The following DLC1 variants were observed in gnomAD, a reference collection of about 807,000 sequenced individuals.
The protein encoded by DLC1 is DLC1 Rho GTPase activating protein.
In DLC1, 54 loss-of-function variants were observed where a neutral mutation model predicts 140.3. The observed-to-expected ratio is 0.38, with a 90% CI of 0.31 to 0.48. The LOEUF (loss-of-function observed/expected upper bound fraction) is 0.48. Ranked by LOEUF, DLC1 falls within the 20% of genes least tolerant of loss-of-function variation. The pLI is 0.96. For synonymous variants in DLC1, 986 were observed against 728.1 expected (o/e 1.35, Z -5.70); for missense variants, 2,536 against 1,907.0 (o/e 1.33, Z -6.14).
chr8:13,148,502 C>T (rs945028103), intron 5 of DLC1, among the ~76,000 whole-genome samples: 5 of 152,196 alleles, frequency 3.3e-5, no homozygotes, highest in African/African-American at 1.2e-4. Flanking sequence ...ATGGAGCACA[C>T]ACAATTTTGA....
In DLC1 at chr8:13,100,159, G is replaced by T; in HGVS notation, c.2178C>A (p.Val726=). 6.2e-7 allele frequency: 1 copy of T among 1,614,142 alleles called. No individual in the cohort carries two copies. The highest frequency in any genetic ancestry group is 8.5e-7 in the Non-Finnish European group (1 of 1,180,032). The change falls in exon 9 of 18, where the codon GTC becomes GTA. Residue 726 remains valine, a synonymous_variant. Coordinates refer to ENST00000276297, the MANE Select transcript of DLC1 (RefSeq NM_182643.3). ...AAACGCTCCTCTTTCGTACCATGGG[G>T]ACGTTGATGCGGTTGCCATTGAGGG... is the stretch of plus-strand genomic sequence containing the variant. ...ISALNGNRIN[V]PMVRKRSVSN... is the part of the protein sequence containing the mutation.
chr8:13,454,842 T>C (rs1799315380), intron 2 of DLC1, among the ~76,000 whole-genome samples: 2 of 152,186 alleles, frequency 1.3e-5, no homozygotes, highest in Non-Finnish European at 2.9e-5. Context: ...TGTGAGCCAT[T>C]GTGCCTGGCC....
intron 4 of DLC1, among the ~76,000 whole-genome samples, chr8:13,386,692 T>G (rs1019797360): frequency 1.3e-5 from 2 of 152,126 alleles, no homozygotes; most frequent in South Asian, 2.1e-4. Flanking sequence ...ACTTATTTAT[T>G]ATTTCAAAAT....
intron 1 of DLC1, among the ~76,000 whole-genome samples, chr8:13,603,295 C>T (rs1208462925): frequency 2.0e-5 from 3 of 151,688 alleles, no homozygotes; most frequent in African/African-American, 7.3e-5. Context: ...ATGTTAACAT[C>T]ATCATTCATT....
chr8:13,396,085 A>C (rs1177460065), intron 3 of DLC1, among the ~76,000 whole-genome samples: 1 of 123,052 alleles, frequency 8.1e-6, no homozygotes, highest in East Asian at 2.2e-4. Flanking sequence ...TTTGAGACGG[A>C]GTCTCACTCT....
chr8:13,334,026 T>A (rs944523188), intron 4 of DLC1, among the ~76,000 whole-genome samples: 12 of 152,102 alleles, frequency 7.9e-5, no homozygotes, highest in African/African-American at 2.9e-4. Flanking sequence ...AATAAGTCAA[T>A]GTCATATTTA....
At chr8:13,561,786 C>G (rs937599570) in intron 1 of DLC1, among the ~76,000 whole-genome samples, 1 of 151,940 alleles carries the variant, frequency 6.6e-6, no homozygotes, top group African/African-American at 2.4e-5. Context: ...TTTCATAAAT[C>G]CAAGACAAAG....
chr8:13,332,587 C>T (rs919761677), intron 4 of DLC1, among the ~76,000 whole-genome samples: 6 of 147,174 alleles, frequency 4.1e-5, no homozygotes, highest in East Asian at 2.0e-4. Flanking sequence ...TCCACCACCA[C>T]GCCCCGCTAA....
intron 5 of DLC1, among the ~76,000 whole-genome samples, chr8:13,193,880 C>T (rs1242049233): frequency 6.6e-6 from 1 of 152,178 alleles, no homozygotes; most frequent in African/African-American, 2.4e-5. Flanking sequence ...AGGAAATGAG[C>T]ACCTATTTTG....
intron 4 of DLC1, among the ~76,000 whole-genome samples, chr8:13,313,052 T>C (rs1006147877): frequency 1.3e-5 from 2 of 152,208 alleles, no homozygotes; most frequent in African/African-American, 4.8e-5. Context: ...TAGTAGCTTT[T>C]TGCTGGTGTG....
chr8:13,517,350 C>T (rs1230541845), upstream of DLC1, among the ~76,000 whole-genome samples: 1 of 152,154 alleles, frequency 6.6e-6, no homozygotes, highest in African/African-American at 2.4e-5. Flanking sequence ...AAACTCTGTT[C>T]ACAAATGCCT....
chr8:13,215,139 G>A (rs762939851), intron 5 of DLC1, among the ~76,000 whole-genome samples: 34 of 152,160 alleles, frequency 2.2e-4, no homozygotes, highest in Non-Finnish European at 4.7e-4. Flanking sequence ...ACATGCTAAC[G>A]GAGCCTACTT....
At chr8:13,266,455 G>A (rs1009457543) in intron 5 of DLC1, among the ~76,000 whole-genome samples, 1 of 152,086 alleles carries the variant, frequency 6.6e-6, no homozygotes, top group South Asian at 2.1e-4. Flanking sequence ...TGTTAAGAAA[G>A]CTCTTTGGGT....
At chr8:13,276,196 TC>T (rs942300702) in intron 5 of DLC1, 2 of 1,517,478 alleles carry the variant, frequency 1.3e-6, no homozygotes, top group African/African-American at 2.8e-5. Flanking sequence ...CACTGCGTCT[TC>T]GCAGTAAATT....
At chr8:13,558,148 G>C (rs1463282140) in intron 1 of DLC1, 1 of 152,198 alleles carries the variant, frequency 6.6e-6, no homozygotes, top group East Asian at 1.9e-4. Context: ...TCAGCAGCTG[G>C]GCTTGTGGAA....
At chr8:13,532,168 C>T (rs1471698409) in intron 1 of DLC1, among the ~76,000 whole-genome samples, 5 of 152,086 alleles carry the variant, frequency 3.3e-5, no homozygotes, top group Non-Finnish European at 7.4e-5. Flanking sequence ...ACTTTGGGAG[C>T]CTTAGGCAGG....
At chr8:13,184,032 G>T (rs537223768) in intron 5 of DLC1, among the ~76,000 whole-genome samples, 3 of 152,230 alleles carry the variant, frequency 2.0e-5, no homozygotes, top group East Asian at 3.9e-4. Context: ...CTTCTTCCCA[G>T]TTTAGTCTTT....
chr8:13,155,748 C>A (rs540165395), intron 5 of DLC1, among the ~76,000 whole-genome samples: 35 of 152,118 alleles, frequency 2.3e-4, no homozygotes, highest in African/African-American at 8.2e-4. Context: ...AATGAAAATG[C>A]AATAAAGATC....
rs1400572178 is a variant in DLC1 at position 13,453,504 on chromosome 8, A to G, written c.1023+45545T>C. 2.3e-3 allele frequency among the ~76,000 whole-genome samples: 70 copies of G among 30,154 alleles called. 7 individuals carry two copies. The highest frequency in any genetic ancestry group is 8.4e-3 in the African/African-American group (48 of 5,686). The allele number at this position is 30,154 out of a possible 152,430, so 19.8% of individuals were successfully genotyped here. ...TGTATATATATACATATATATATGTATATATATATACATATATATATATGT... is the reference window on the plus strand; with the variant it reads ...TGTATATATATACATATATATATGTGTATATATATACATATATATATATGT... On this transcript the variant is annotated intron_variant, in intron 2 of 17. Transcript: ENST00000276297.
Sources: allele counts gnomAD v4.1 joint callset (sites outside exome capture counted in the v4.1 genomes callset), GRCh38; gene constraint gnomAD v4.1.1; transcripts MANE v1.5; gene names NCBI Gene and HGNC (gene_info 2026-07-23, HGNC 2026-07-21).